The following DLG2 variants were observed in gnomAD, a reference collection of about 807,000 sequenced individuals.
DLG2 encodes the protein discs large MAGUK scaffold protein 2.
DLG2 carries 45 observed loss-of-function variants against 132.5 expected under a neutral mutation model. The ratio of observed to expected loss-of-function variants is 0.34; its 90% CI spans 0.27 to 0.44. The LOEUF (loss-of-function observed/expected upper bound fraction) is 0.44. Ranked by LOEUF, DLG2 falls within the 20% of genes least tolerant of loss-of-function variation. DLG2 has a pLI of 1.00. For synonymous variants in DLG2, 424 were observed against 419.6 expected, an observed-to-expected ratio of 1.01 and a Z score of -0.13; for missense variants, 1,045 against 1,196.9, an observed-to-expected ratio of 0.87 and a Z score of 1.87.
intron 9 of DLG2, among the ~76,000 whole-genome samples, chr11:84,150,304 A>C (rs2095252921): frequency 6.6e-6 from 1 of 151,970 alleles, no homozygotes. Context: ...TAGGTTTTTA[A>C]ATCTTTTTGT....
At chr11:84,292,105 C>A (rs1599205504) in intron 7 of DLG2, among the ~76,000 whole-genome samples, 2 of 152,156 alleles carry the variant, frequency 1.3e-5, no homozygotes, top group African/African-American at 4.8e-5. Context: ...GGTTGGAAGT[C>A]TAGGCGAGGT....
intron 17 of DLG2, among the ~76,000 whole-genome samples, chr11:83,808,071 AG>A (rs1255347850): frequency 6.6e-6 from 1 of 152,134 alleles, no homozygotes; most frequent in Non-Finnish European, 1.5e-5. Context: ...GCCTTCTAAC[AG>A]CAGCCTCGTG....
At chr11:84,841,150 C>T (rs1025176801) in intron 6 of DLG2, among the ~76,000 whole-genome samples, 8 of 151,562 alleles carry the variant, frequency 5.3e-5, no homozygotes, top group East Asian at 3.9e-4. Context: ...CTTTAAAATC[C>T]GTAAAATAAC....
At position 83,724,738 on chromosome 11, in the gene DLG2, G is replaced by A. The variant is rs552303039; in HGVS notation, c.1825+61952C>T. On this transcript the variant is annotated intron_variant, in intron 18 of 27. Transcript: ENST00000376104. ...GGCTACTAACAAACGGCAGGGAAAG[G>A]CTGTTTTAGGAAGGAAAGGGAGGAG... is the stretch of plus-strand genomic sequence containing the variant. The A allele has an allele frequency of 1.6e-5, 10 of 643,102 alleles. No individual in the cohort carries two copies. In the African/African-American group the frequency reaches 1.6e-4, roughly 10 times the overall value. 39.8% of individuals were successfully genotyped at this position (643,102 alleles called of 1,614,324 possible).
At chr11:83,817,990 C>T (rs549144998) in intron 17 of DLG2, among the ~76,000 whole-genome samples, 2 of 152,160 alleles carry the variant, frequency 1.3e-5, no homozygotes, top group Admixed American at 1.3e-4. Context: ...TTTTATCACA[C>T]AAAGTTCTCT....
At chr11:83,491,839 G>T (rs2093865691) in intron 21 of DLG2, among the ~76,000 whole-genome samples, 2 of 151,862 alleles carry the variant, frequency 1.3e-5, no homozygotes, top group South Asian at 4.1e-4. Context: ...TCTCCTTACA[G>T]CAAAACTCCT....
chr11:85,392,599 C>T (rs1053375628), intron 3 of DLG2, among the ~76,000 whole-genome samples: 3 of 152,214 alleles, frequency 2.0e-5, no homozygotes, highest in East Asian at 3.9e-4. Flanking sequence ...ACCAAAACAA[C>T]ATGGTATTGG....
intron 3 of DLG2, among the ~76,000 whole-genome samples, chr11:85,587,589 T>C (rs909745529): frequency 2.0e-5 from 3 of 152,208 alleles, no homozygotes; most frequent in East Asian, 1.9e-4. Context: ...TGAGTTCTTA[T>C]GCGTTAAGTG....
intron 14 of DLG2, among the ~76,000 whole-genome samples, chr11:83,954,490 G>T (rs11233853): frequency 0.077 from 11,639 of 152,082 alleles, 610 homozygotes; most frequent in Non-Finnish European, 0.12. Context: ...TCTACACTTT[G>T]CTTCAAAACA....
At chr11:84,397,619 T>C (rs1184242227) in intron 7 of DLG2, among the ~76,000 whole-genome samples, 2 of 152,156 alleles carry the variant, frequency 1.3e-5, no homozygotes, top group Non-Finnish European at 2.9e-5. Flanking sequence ...GGAGCAGAGG[T>C]TTCTGCATGA....
At chr11:84,533,357 A>G (rs1389224719) in intron 7 of DLG2, among the ~76,000 whole-genome samples, 4 of 152,220 alleles carry the variant, frequency 2.6e-5, no homozygotes, top group Non-Finnish European at 5.9e-5. Context: ...CAGGTTAAAC[A>G]TACTCATTTC....
chr11:84,496,487 G>T (rs1329820775), intron 7 of DLG2, among the ~76,000 whole-genome samples: 1 of 152,116 alleles, frequency 6.6e-6, no homozygotes, highest in African/African-American at 2.4e-5. Context: ...TTTATGGTGT[G>T]CATATGTCAT....
chr11:84,680,454 C>T (rs7924832), intron 6 of DLG2, among the ~76,000 whole-genome samples: 6,845 of 152,154 alleles, frequency 0.045, 545 homozygotes, highest in African/African-American at 0.15. Flanking sequence ...GGTGAATCTA[C>T]CTATCCTTAC....
chr11:85,547,137 G>C (rs1432987323), intron 3 of DLG2, among the ~76,000 whole-genome samples: 1 of 152,126 alleles, frequency 6.6e-6, no homozygotes. Flanking sequence ...TGCAGTGGTT[G>C]ATCCTTTCCA....
chr11:84,886,912 T>A (rs1287380975), intron 6 of DLG2, among the ~76,000 whole-genome samples: 1 of 152,146 alleles, frequency 6.6e-6, no homozygotes, highest in Non-Finnish European at 1.5e-5. Flanking sequence ...CTACTCATCT[T>A]CAGGAGTTCT....
chr11:84,561,054 C>T (rs143047535), intron 6 of DLG2, among the ~76,000 whole-genome samples: 292 of 152,136 alleles, frequency 1.9e-3, no homozygotes, highest in African/African-American at 6.6e-3. Flanking sequence ...TGACTACTGA[C>T]TACTTAATTA....
Position 83,890,720 on chromosome 11 carries a change from C to A in DLG2, c.1497-16232G>T, listed in dbSNP as rs550651133. On this transcript the variant is annotated intron_variant, in intron 15 of 27. Coordinates refer to ENST00000376104, the MANE Select transcript of DLG2 (RefSeq NM_001142699.3). Reference sequence around the variant, plus strand: ...GTAAAAAAAGTTGCAAAGTATGAAGCATGGAAAATAGTAAATTGAAATTAC... The same window carrying A: ...GTAAAAAAAGTTGCAAAGTATGAAGAATGGAAAATAGTAAATTGAAATTAC... 9.9e-5 allele frequency among the ~76,000 whole-genome samples: 15 copies of A among 152,272 alleles called. No homozygotes were observed. In the South Asian group the frequency reaches 1.2e-3, roughly 13 times the overall value.
At chr11:84,726,485 T>A (rs930667560) in intron 6 of DLG2, among the ~76,000 whole-genome samples, 3 of 152,212 alleles carry the variant, frequency 2.0e-5, no homozygotes, top group Admixed American at 6.5e-5. Context: ...GGTGTATATG[T>A]GCCACACTTT....
intron 3 of DLG2, among the ~76,000 whole-genome samples, chr11:85,582,975 G>A (rs891955153): frequency 2.7e-5 from 4 of 145,458 alleles, no homozygotes; most frequent in Non-Finnish European, 4.5e-5. Context: ...ATTTTGTGAA[G>A]GCTTATTGTT....
Sources: allele counts gnomAD v4.1 joint callset (sites outside exome capture counted in the v4.1 genomes callset), GRCh38; gene constraint gnomAD v4.1.1; transcripts MANE v1.5; gene names NCBI Gene and HGNC (gene_info 2026-07-23, HGNC 2026-07-21).